Variants in PIGN observed in about 807,000 individuals in gnomAD.
PIGN encodes phosphatidylinositol glycan anchor biosynthesis class N, also known as GPI ethanolamine phosphate transferase 1.
In PIGN, 117 loss-of-function variants were observed where a neutral mutation model predicts 125.4. The ratio of observed to expected loss-of-function variants is 0.93; its 90% CI spans 0.80 to 1.09. The LOEUF is 1.09. Ranked by LOEUF, PIGN falls within the 50% of genes least tolerant of loss-of-function variation. The pLI is 0.00. For synonymous variants in PIGN, 392 were observed against 377.8 expected, an observed-to-expected ratio of 1.04 and a Z score of -0.44; for missense variants, 1,075 against 1,094.9, an observed-to-expected ratio of 0.98 and a Z score of 0.26.
chr18:62,092,074 G>A (rs1300552845), intron 23 of PIGN, among the ~76,000 whole-genome samples: 1 of 152,034 alleles, frequency 6.6e-6, no homozygotes, highest in African/African-American at 2.4e-5. Context: ...ACTGAAGACT[G>A]GGCAGAAGGA....
downstream of PIGN, among the ~76,000 whole-genome samples, chr18:62,037,358 A>G (rs2030274089): frequency 6.6e-6 from 1 of 152,256 alleles, no homozygotes; most frequent in Non-Finnish European, 1.5e-5. Flanking sequence ...TATCTGGAAA[A>G]TAAGGCTGAT....
intron 4 of PIGN, among the ~76,000 whole-genome samples, chr18:62,159,740 C>T (rs2036873446): frequency 6.6e-6 from 1 of 152,176 alleles, no homozygotes; most frequent in South Asian, 2.1e-4. Flanking sequence ...GTTAATTGCC[C>T]ATTATGTTAT....
intron 26 of PIGN, 43 bp from the exon 27 acceptor site, chr18:62,084,649 G>A: frequency 8.5e-7 from 1 of 1,177,964 alleles, no homozygotes; most frequent in East Asian, 2.6e-5. Flanking sequence ...AATTCACTCT[G>A]TAACTTTAAA....
intron 25 of PIGN, among the ~76,000 whole-genome samples, chr18:62,086,489 C>T (rs112488654): frequency 0.012 from 1,828 of 152,024 alleles, 19 homozygotes; most frequent in Middle Eastern, 0.065. Flanking sequence ...TGGTGGTGCA[C>T]GCCTATAGTC....
chr18:62,054,019 A>G (rs893935249), intron 30 of PIGN, among the ~76,000 whole-genome samples: 3 of 152,226 alleles, frequency 2.0e-5, no homozygotes, highest in East Asian at 3.8e-4. Context: ...TGAAGTTTCA[A>G]GAGAAATAAA....
intron 23 of PIGN, among the ~76,000 whole-genome samples, chr18:62,019,580 G>A (rs1218562050): frequency 6.6e-6 from 1 of 152,184 alleles, no homozygotes; most frequent in Admixed American, 6.5e-5. Flanking sequence ...AATCTCAGAG[G>A]AACTAGTGGG....
In PIGN at chr18:62,072,686, C is replaced by G. The variant is rs1023041247; in HGVS notation, c.2659G>C (p.Asp887His). 3.1e-6 allele frequency: 5 copies of G among 1,600,514 alleles called. No homozygotes were observed. The highest frequency in any genetic ancestry group is 3.4e-6 in the Non-Finnish European group (4 of 1,173,206). Reference sequence around the variant, plus strand: ...TATATACTATACCTTGTCCCAATATCAAGCCAGCTGCCATAATCCTTGACC... The same window carrying G: ...TATATACTATACCTTGTCCCAATATGAAGCCAGCTGCCATAATCCTTGACC... ...FLVKDYGSWLDIGTSISHYVI... is the reference protein window; with the variant it reads ...FLVKDYGSWLHIGTSISHYVI... Residue 887 changes from aspartate (D) to histidine (H), a missense_variant, in exon 30 of 31, where the codon GAT becomes CAT. Physicochemically the swap from Asp to His is moderately conservative, Grantham distance 81. Coordinates refer to ENST00000640252, the MANE Select transcript of PIGN (RefSeq NM_176787.5).
chr18:62,173,512 G>T (rs1389663536), intron 1 of PIGN, among the ~76,000 whole-genome samples: 1 of 152,190 alleles, frequency 6.6e-6, no homozygotes, highest in East Asian at 1.9e-4. Flanking sequence ...GGGATTACAT[G>T]TGTAAGCCAT....
chr18:62,076,295 A>G (rs1055241344), intron 28 of PIGN, among the ~76,000 whole-genome samples: 1 of 152,048 alleles, frequency 6.6e-6, no homozygotes, highest in African/African-American at 2.4e-5. Flanking sequence ...TCATTGTCTT[A>G]TTTGCCATCT....
intron 23 of PIGN, among the ~76,000 whole-genome samples, chr18:62,028,616 T>TA (rs2030155934): frequency 2.0e-5 from 3 of 152,308 alleles, no homozygotes; most frequent in Non-Finnish European, 4.4e-5. Flanking sequence ...CATTGTGCTG[T>TA]AAAAAATTAA....
Position 62,110,228 on chromosome 18 carries a change from AGTTT to A in PIGN, c.1435-259_1435-256del, listed in dbSNP as rs1196802509. The A allele has an allele frequency of 5.7e-5, 19 of 331,630 alleles. No homozygotes were observed. In the East Asian group the frequency reaches 9.8e-4, roughly 17 times the overall value. The allele number at this position is 331,630 out of a possible 1,614,324, so 20.5% of individuals were successfully genotyped here. On this transcript the variant is annotated intron_variant, in intron 16 of 30. Transcript: ENST00000640252. ...AACTTAAAAGTGACTATGGCCTTAA[AGTTT>A]GTTTGCAAGTAACTTGTTCAGAATT...
At chr18:62,157,277 G>A in intron 5 of PIGN, 50 bp from the exon 6 acceptor site, 1 of 901,288 alleles carries the variant, frequency 1.1e-6, no homozygotes, top group Non-Finnish European at 1.8e-6. Context: ...GGTACAATAA[G>A]CCCCTAAAGA....
chr18:62,109,856 T>C lies in PIGN; in HGVS notation c.1552A>G (p.Ile518Val), dbSNP rs1178562971. The change falls in exon 17 of 31, where the codon ATA (isoleucine) becomes GTA (valine). Residue 518 changes from isoleucine to valine, a missense_variant. This residue lies in a region of PIGN where 915 missense variants were observed against 908.7 expected (regional missense o/e 1.01). Coordinates refer to ENST00000640252, the MANE Select transcript of PIGN (RefSeq NM_176787.5). Reference protein sequence around the residue: ...YYVYGLLPLPIWYAVLREFQV... With the variant: ...YYVYGLLPLPVWYAVLREFQV... ...TACTCTCTTAGAACCGCATACCATA[T>C]TGGCAGTGGCAACAAACCATATACA... The C allele has an allele frequency of 2.5e-6, 4 of 1,612,456 alleles. No individual in the cohort carries two copies. The highest frequency in any genetic ancestry group is 3.4e-6 in the Non-Finnish European group (4 of 1,179,092).
At chr18:62,027,388 T>C (rs1399560772) in intron 23 of PIGN, among the ~76,000 whole-genome samples, 1 of 152,192 alleles carries the variant, frequency 6.6e-6, no homozygotes, top group African/African-American at 2.4e-5. Flanking sequence ...CCTGACGACA[T>C]GTGCCCAAGG....
intron 22 of PIGN, among the ~76,000 whole-genome samples, chr18:62,100,315 A>G (rs948030088): frequency 1.3e-5 from 2 of 152,200 alleles, no homozygotes; most frequent in Non-Finnish European, 2.9e-5. Context: ...GATAAAAAAT[A>G]GCAGATGCTG....
At chr18:62,167,751 G>A (rs1312884134) in intron 1 of PIGN, among the ~76,000 whole-genome samples, 1 of 150,724 alleles carries the variant, frequency 6.6e-6, no homozygotes, top group Non-Finnish European at 1.5e-5. Flanking sequence ...ATAACTTATT[G>A]TAGATAATAT....
At chr18:62,160,070 G>A (rs979440243) in intron 4 of PIGN, among the ~76,000 whole-genome samples, 14 of 152,134 alleles carry the variant, frequency 9.2e-5, no homozygotes, top group African/African-American at 1.9e-4. Context: ...CTGAGATCAC[G>A]CCACTGCACT....
Position 62,044,983 on chromosome 18 carries a change from C to T in PIGN, c.*873G>A, listed in dbSNP as rs892206323. 2.5e-4 allele frequency: 38 copies of T among 151,956 alleles called. 1 individual carries two copies. Among genetic ancestry groups the T allele is most frequent in the Admixed American group, 2.4e-3 (37 of 15,256 alleles). 9.4% of individuals were successfully genotyped at this position (151,956 alleles called of 1,614,324 possible). The stretch of plus-strand genomic sequence containing the variant: ...AAGAATAACACCTTTAATATGAATT[C>T]TTATGATATTGTCAGAAAGTTTAAC... On this transcript the variant is annotated 3_prime_UTR_variant, in exon 31 of 31. Coordinates refer to ENST00000640252, the MANE Select transcript of PIGN (RefSeq NM_176787.5).
chr18:62,024,971 C>G (rs2030098706), intron 23 of PIGN, among the ~76,000 whole-genome samples: 1 of 152,192 alleles, frequency 6.6e-6, no homozygotes, highest in African/African-American at 2.4e-5. Context: ...ACCTCAACCA[C>G]TCTTATGGGT....
Sources: gnomAD v4.1 joint callset for allele counts (sites outside exome capture counted in the v4.1 genomes callset) on GRCh38, gnomAD v4.1.1 for gene constraint, gnomAD v4.1.1 regional missense constraint, MANE v1.5 for transcripts, NCBI Gene and HGNC (gene_info 2026-07-23, HGNC 2026-07-21) for gene names.